Variants in ADGB observed in about 807,000 individuals in gnomAD.
ADGB encodes the protein androglobin.
Under a neutral mutation model 210.5 loss-of-function variants are expected in ADGB, and 172 were observed. That is an observed-to-expected ratio of 0.82 (90% CI 0.72 to 0.93). ADGB has a LOEUF of 0.93. Among genes scored for constraint, ADGB ranks in the 40% least tolerant of loss-of-function variants. ADGB has a pLI of 0.00. For synonymous variants in ADGB, 658 were observed against 662.7 expected, an observed-to-expected ratio of 0.99 and a Z score of 0.11; for missense variants, 2,025 against 1,964.8, an observed-to-expected ratio of 1.03 and a Z score of -0.58.
chr6:146,669,931 G>A (rs1775985281), intron 7 of ADGB, among the ~76,000 whole-genome samples: 1 of 152,008 alleles, frequency 6.6e-6, no homozygotes, highest in Non-Finnish European at 1.5e-5. Flanking sequence ...CATCATCTCA[G>A]TGAATTTCAC....
intron 4 of ADGB, 75 bp downstream of exon 4, chr6:146,654,281 C>A: frequency 4.3e-6 from 4 of 919,582 alleles, no homozygotes; most frequent in South Asian, 3.4e-5. Context: ...CCCAGACAGT[C>A]GATTTCAACT....
intron 13 of ADGB, among the ~76,000 whole-genome samples, chr6:146,707,802 C>A (rs1345136604): frequency 6.6e-6 from 1 of 151,904 alleles, no homozygotes; most frequent in Non-Finnish European, 1.5e-5. Flanking sequence ...CCACTCTATG[C>A]CTTTTGATTG....
intron 13 of ADGB, among the ~76,000 whole-genome samples, chr6:146,708,325 T>C (rs1347047551): frequency 6.6e-6 from 1 of 152,142 alleles, no homozygotes; most frequent in Non-Finnish European, 1.5e-5. Context: ...TTTTATACTC[T>C]CATTTTTTAA....
In ADGB at chr6:146,599,073, G is replaced by A. The variant is rs1220238473; in HGVS notation, c.33G>A (p.Val11=). Residue 11 remains valine (V), a synonymous_variant, in exon 1 of 36, where the codon GTG becomes GTA. Transcript: ENST00000397944. ...CCAAACAAACCAAAAAGAAAGAGGT[G>A]CATCGTATCAACTCGGCGCACGGAT... MASKQTKKKE[V]HRINSAHGSD... The A allele has an allele frequency of 6.4e-7, 1 of 1,551,612 alleles. No individual in the cohort carries two copies. The highest frequency in any genetic ancestry group is 8.7e-7 in the Non-Finnish European group (1 of 1,146,998).
chr6:146,612,571 G>A (rs577053842), intron 1 of ADGB, among the ~76,000 whole-genome samples: 1 of 152,108 alleles, frequency 6.6e-6, no homozygotes, highest in South Asian at 2.1e-4. Context: ...CTTCCCTGCC[G>A]TCCTCTAGTT....
chr6:146,611,795 T>C (rs537026900), intron 1 of ADGB, among the ~76,000 whole-genome samples: 3 of 152,172 alleles, frequency 2.0e-5, no homozygotes, highest in South Asian at 2.1e-4. Context: ...GAATTGTTTT[T>C]AAAAGGGATT....
intron 26 of ADGB, among the ~76,000 whole-genome samples, chr6:146,748,958 C>T (rs1562291523): frequency 2.0e-5 from 3 of 152,134 alleles, no homozygotes; most frequent in Admixed American, 1.3e-4. Context: ...TAACTTGATT[C>T]TCTGCAAAAG....
At chr6:146,657,125 A>AAG in intron 5 of ADGB, 145 bp downstream of exon 5, 3 of 715,884 alleles carry the variant, frequency 4.2e-6, no homozygotes, top group Non-Finnish European at 6.7e-6. Context: ...AGGAGTTCGC[A>AAG]ACCAGCCTGG....
At chr6:146,740,399 TAG>T in intron 23 of ADGB, 58 bp from the exon 24 acceptor site, 1 of 1,367,994 alleles carries the variant, frequency 7.3e-7, no homozygotes, top group Admixed American at 2.6e-5. Flanking sequence ...TTTTTGTAAA[TAG>T]AGTTTATCTT....
At chr6:146,761,914 A>T (rs761371292) in intron 27 of ADGB, among the ~76,000 whole-genome samples, 2 of 152,088 alleles carry the variant, frequency 1.3e-5, no homozygotes, top group Non-Finnish European at 2.9e-5. Flanking sequence ...GGATCCTGGT[A>T]TTCCTTGTCT....
chr6:146,759,242 C>CA lies in ADGB; in HGVS notation c.3551-4655dup, dbSNP rs542560621. On this transcript the variant is annotated intron_variant, in intron 27 of 35. Transcript: ENST00000397944. ...ACTTCATTGCAAGGATGCAGAAGTT[C>CA]AAAATGAGCCAGTCACAGATCTTAT... is the stretch of plus-strand genomic sequence containing the variant. Among the ~76,000 whole-genome samples, 451 of 151,786 alleles carry CA rather than the reference C, an allele frequency of 3.0e-3. 3 individuals are homozygous for CA. The highest frequency in any genetic ancestry group is 0.01 in the African/African-American group (425 of 41,484).
intron 29 of ADGB, among the ~76,000 whole-genome samples, chr6:146,775,105 A>G (rs1777702956): frequency 6.6e-6 from 1 of 152,136 alleles, no homozygotes; most frequent in African/African-American, 2.4e-5. Flanking sequence ...ATTTTATATC[A>G]AGAAGAAATT....
intron 12 of ADGB, 54 bp from the exon 13 acceptor site, chr6:146,700,887 A>T: frequency 6.6e-7 from 1 of 1,515,870 alleles, no homozygotes; most frequent in Non-Finnish European, 8.8e-7. Flanking sequence ...TTTATTAATA[A>T]CTTTAAACAG....
chr6:146,631,976 A>C (rs533915427), intron 1 of ADGB, among the ~76,000 whole-genome samples: 8 of 151,924 alleles, frequency 5.3e-5, no homozygotes, highest in South Asian at 2.1e-4. Flanking sequence ...AAAAAAAAAA[A>C]AACAAAAAAA....
At position 146,788,487 on chromosome 6, in the gene ADGB, T is replaced by C. The variant is rs923056433; in HGVS notation, c.4414T>C (p.Trp1472Arg). The change falls in exon 33 of 36, where the codon TGG becomes CGG. Residue 1472 changes from tryptophan (W) to arginine (R), a missense_variant. Trp to Arg is a moderately radical substitution (Grantham distance 101). Coordinates refer to ENST00000397944, the MANE Select transcript of ADGB (RefSeq NM_024694.4). The stretch of plus-strand genomic sequence containing the variant: ...ACAAACAGGATCAGGGAGTGCGGTG[T>C]GGAAGAAGTGGCAATTGACCAAAGG... ...MTQTGSGSAV[W>R]KKWQLTKGLR... The C allele has an allele frequency of 1.1e-5, 17 of 1,551,418 alleles. No individual in the cohort carries two copies. In the African/African-American group the frequency reaches 1.5e-4, roughly 14 times the overall value.
chr6:146,684,161 T>G (rs1776192337), intron 9 of ADGB, among the ~76,000 whole-genome samples: 1 of 152,048 alleles, frequency 6.6e-6, no homozygotes, highest in South Asian at 2.1e-4. Context: ...TCCCTCCACC[T>G]CTCATGCTTC....
At chr6:146,719,888 G>C (rs1776789950) in intron 16 of ADGB, among the ~76,000 whole-genome samples, 1 of 152,184 alleles carries the variant, frequency 6.6e-6, no homozygotes, top group African/African-American at 2.4e-5. Flanking sequence ...CAGCTGACAG[G>C]ATGCAAATAA....
chr6:146,754,746 T>A (rs1777382808), intron 27 of ADGB, among the ~76,000 whole-genome samples: 1 of 151,984 alleles, frequency 6.6e-6, no homozygotes, highest in African/African-American at 2.4e-5. Flanking sequence ...AGATATATTT[T>A]CTACTTTGAG....
chr6:146,666,492 T>C (rs531244993), intron 6 of ADGB, among the ~76,000 whole-genome samples: 26 of 152,120 alleles, frequency 1.7e-4, no homozygotes, highest in African/African-American at 5.8e-4. Context: ...TTAAAAGAAG[T>C]ATACAAAAAT....
Sources: gnomAD v4.1 joint callset for allele counts (sites outside exome capture counted in the v4.1 genomes callset) on GRCh38, gnomAD v4.1.1 for gene constraint, MANE v1.5 for transcripts, NCBI Gene and HGNC (gene_info 2026-07-23, HGNC 2026-07-21) for gene names.